GALK2: variants seen among roughly 807,000 people sequenced by gnomAD.
GALK2 encodes N-acetylgalactosamine kinase.
GALK2 carries 36 observed loss-of-function variants against 52.4 expected under a neutral mutation model. That is an observed-to-expected ratio of 0.69 (90% CI 0.53 to 0.91). The LOEUF (loss-of-function observed/expected upper bound fraction) is 0.91, where lower values mean the gene tolerates loss of function less well. GALK2 is among the 40% of genes least tolerant of loss of function. GALK2 has a pLI of 0.00. For missense variants in GALK2, 579 were observed against 559.1 expected (o/e 1.04, Z -0.36); for synonymous variants, 176 against 199.1 (o/e 0.88, Z 0.98).
intron 3 of GALK2, among the ~76,000 whole-genome samples, chr15:49,361,202 ATTAAT>A (rs2044170309): frequency 6.6e-6 from 1 of 152,220 alleles, no homozygotes; most frequent in Admixed American, 6.5e-5. Flanking sequence ...CAATTAAAAA[ATTAAT>A]TTAAAAAACT....
rs796648338 is a variant in GALK2 at position 49,329,807 on chromosome 15, A to C, written c.*1648A>C. 2 of 107,696 alleles carry C rather than the reference A, an allele frequency of 1.9e-5. No homozygotes were observed. The highest frequency in any genetic ancestry group is 3.3e-5 in the Non-Finnish European group (2 of 60,172). 6.7% of individuals were successfully genotyped at this position (107,696 alleles called of 1,614,324 possible). ...TCTTTAAAGATACCTGGATCAGTGT[A>C]AAAAAAAAAAAAAAAAGGCACCTGT... On this transcript the variant is annotated 3_prime_UTR_variant, in exon 10 of 10. Transcript: ENST00000560031.
chr15:49,233,348 A>G (rs1406027007), intron 3 of GALK2, among the ~76,000 whole-genome samples: 1 of 152,160 alleles, frequency 6.6e-6, no homozygotes, highest in African/African-American at 2.4e-5. Context: ...ATCCACCCCC[A>G]TGATCCAGTC....
intron 5 of GALK2, among the ~76,000 whole-genome samples, chr15:49,257,627 G>A (rs527648833): frequency 3.3e-5 from 5 of 152,182 alleles, no homozygotes; most frequent in Admixed American, 3.3e-4. Flanking sequence ...AAGTGTTGTA[G>A]TTAAAAATTA....
rs574464642 is a variant in GALK2 at position 49,254,986 on chromosome 15, C to G, written c.504+15619C>G. Among the ~76,000 whole-genome samples, 4 of 143,842 alleles carry G rather than the reference C, an allele frequency of 2.8e-5. 1 individual carries two copies. The highest frequency in any genetic ancestry group is 4.7e-5 in the Non-Finnish European group (3 of 63,988). 94.4% of individuals were successfully genotyped at this position (143,842 alleles called of 152,430 possible). A position where few individuals can be genotyped will look rare whatever the true frequency, so the allele number is the denominator to read the frequency against. ...AAACATTTTGCCACATTTGCTTTATCTTTCTCTCTACTTTTTTTTCTGAGC... is the reference window on the plus strand; with the variant it reads ...AAACATTTTGCCACATTTGCTTTATGTTTCTCTCTACTTTTTTTTCTGAGC... On this transcript the variant is annotated intron_variant, in intron 5 of 9. Transcript: ENST00000560031.
Position 49,330,736 on chromosome 15 carries a change from GA to G in GALK2, c.*2578del, listed in dbSNP as rs1282865920. ...CCATGTCCCTATCAATAGTAGGGAA[GA>G]TAGACCAAAAAAAAAAAAAAAGAGA... is the stretch of plus-strand genomic sequence containing the variant. On this transcript the variant is annotated 3_prime_UTR_variant, in exon 10 of 10. Coordinates refer to ENST00000560031, the MANE Select transcript of GALK2 (RefSeq NM_002044.4). 1 of 143,476 alleles carries G rather than the reference GA, an allele frequency of 7.0e-6. No individual in the cohort carries two copies. Among genetic ancestry groups the G allele is most frequent in the South Asian group, 2.2e-4 (1 of 4,528 alleles). 8.9% of individuals were successfully genotyped at this position (143,476 alleles called of 1,614,324 possible).
chr15:49,348,692 T>C (rs1222443513), intron 3 of GALK2, among the ~76,000 whole-genome samples: 1 of 152,196 alleles, frequency 6.6e-6, no homozygotes, highest in African/African-American at 2.4e-5. Context: ...AACACAAAAT[T>C]ATTATCTGAT....
At chr15:49,367,480 G>A (rs759818247) in intron 3 of GALK2, 2 of 1,598,414 alleles carry the variant, frequency 1.3e-6, no homozygotes, top group East Asian at 2.3e-5. Context: ...GTTTAATCTT[G>A]GTTTTCTTAG....
At chr15:49,197,523 A>G (rs2141288367) in intron 1 of GALK2, among the ~76,000 whole-genome samples, 4 of 152,306 alleles carry the variant, frequency 2.6e-5, no homozygotes, top group Admixed American at 2.6e-4. Context: ...CCAAATCTAA[A>G]CATGAAATTT....
intron 3 of GALK2, among the ~76,000 whole-genome samples, chr15:49,232,076 A>G: frequency 6.6e-6 from 1 of 152,196 alleles, no homozygotes; most frequent in East Asian, 1.9e-4. Context: ...CTGCCCTAGT[A>G]GAGATTCTCC....
intron 3 of GALK2, chr15:49,226,839 A>G (rs2090161321): frequency 6.6e-6 from 1 of 152,176 alleles, no homozygotes; most frequent in South Asian, 2.1e-4. Context: ...TCCTTGAGCT[A>G]GTGGTCATTC....
intron 8 of GALK2, among the ~76,000 whole-genome samples, chr15:49,308,138 A>T (rs2035695764): frequency 6.6e-6 from 1 of 152,210 alleles, no homozygotes; most frequent in Non-Finnish European, 1.5e-5. Flanking sequence ...TGCTCCAAAG[A>T]GTCTTTGCCT....
intron 1 of GALK2, among the ~76,000 whole-genome samples, chr15:49,173,065 T>A (rs1330959226): frequency 6.6e-6 from 1 of 152,192 alleles, no homozygotes; most frequent in African/African-American, 2.4e-5. Flanking sequence ...TCCATTCCCT[T>A]TCCCCTCACC....
At chr15:49,235,595 C>T in intron 3 of GALK2, 1 of 610,678 alleles carries the variant, frequency 1.6e-6, no homozygotes. Flanking sequence ...GTAGATTACT[C>T]TGAAATATAT....
At chr15:49,256,684 C>A (rs972410071) in intron 5 of GALK2, among the ~76,000 whole-genome samples, 2 of 152,128 alleles carry the variant, frequency 1.3e-5, no homozygotes, top group African/African-American at 4.8e-5. Context: ...CCTGTTGCCC[C>A]CTTGATTAAA....
intron 8 of GALK2, 43 bp downstream of exon 8, chr15:49,292,580 T>C (rs1319812886): frequency 6.6e-7 from 1 of 1,503,802 alleles, no homozygotes; most frequent in Admixed American, 1.8e-5. Context: ...ATTCCCTCAC[T>C]TACAGCTGGA....
At chr15:49,337,632 T>A (rs569274500) in intron 3 of GALK2, among the ~76,000 whole-genome samples, 1 of 150,230 alleles carries the variant, frequency 6.7e-6, no homozygotes, top group African/African-American at 2.4e-5. Flanking sequence ...CTCATCAACC[T>A]GTCATCTACA....
At chr15:49,365,718 A>C (rs115784989) in intron 3 of GALK2, 18,851 of 893,024 alleles carry the variant, frequency 0.021, 824 homozygotes, top group African/African-American at 0.12. Context: ...GACAGAAAGC[A>C]ATCTCCAAGA....
At chr15:49,317,248 T>C (rs2036494540) in intron 8 of GALK2, among the ~76,000 whole-genome samples, 1 of 151,938 alleles carries the variant, frequency 6.6e-6, no homozygotes, top group Admixed American at 6.6e-5. Context: ...TTACAGACTT[T>C]TTGATATGAA....
chr15:49,274,113 G>A (rs985261729), intron 5 of GALK2, among the ~76,000 whole-genome samples: 5 of 152,166 alleles, frequency 3.3e-5, no homozygotes, highest in African/African-American at 1.2e-4. Context: ...AGAGAGCACC[G>A]GAGCCTGTTG....
Sources: allele counts gnomAD v4.1 joint callset (sites outside exome capture counted in the v4.1 genomes callset), GRCh38; gene constraint gnomAD v4.1.1; transcripts MANE v1.5; gene names NCBI Gene and HGNC (gene_info 2026-07-23, HGNC 2026-07-21).